Variants in MCOLN2 observed in about 807,000 individuals in gnomAD.
MCOLN2 encodes the protein mucolipin-2.
Under a neutral mutation model 67.5 loss-of-function variants are expected in MCOLN2, and 57 were observed. The observed-to-expected ratio is 0.84, with a 90% CI of 0.68 to 1.05. MCOLN2 has a LOEUF of 1.05. MCOLN2 is among the 50% of genes least tolerant of loss of function. MCOLN2 has a pLI of 0.00. For missense variants in MCOLN2, 620 were observed against 678.8 expected, an observed-to-expected ratio of 0.91 and a Z score of 0.96; for synonymous variants, 246 against 233.3, an observed-to-expected ratio of 1.05 and a Z score of -0.50.
chr1:84,939,604 G>A lies in MCOLN2; in HGVS notation c.1059C>T (p.Ser353=), dbSNP rs755106105. ...TGGAGCCAATGATTGTCATTAGGTC[G>A]CTGATAATCACCAGGACATACCAGC... ...INGWYVLVII[S]DLMTIIGSIL... is the part of the protein sequence containing the mutation. The change falls in exon 9 of 14, where the codon AGC becomes AGT. Residue 353 remains serine (S), a synonymous_variant. Transcript: ENST00000370608. 3.2e-5 allele frequency: 51 copies of A among 1,613,848 alleles called. 1 individual carries two copies. The South Asian group carries it at 4.4e-4, about 14-fold the overall frequency.
chr1:84,934,886 C>T (rs904947948), intron 11 of MCOLN2, among the ~76,000 whole-genome samples: 1 of 152,142 alleles, frequency 6.6e-6, no homozygotes, highest in Non-Finnish European at 1.5e-5. Flanking sequence ...TCCATTGAGC[C>T]CCTGAAATCA....
At chr1:84,980,958 T>C (rs1241772043) in intron 1 of MCOLN2, among the ~76,000 whole-genome samples, 2 of 152,122 alleles carry the variant, frequency 1.3e-5, no homozygotes, top group Non-Finnish European at 2.9e-5. Flanking sequence ...AAAAATAACC[T>C]AATAATCTGG....
At chr1:84,968,498 A>G (rs563699789) in intron 1 of MCOLN2, among the ~76,000 whole-genome samples, 50 of 152,362 alleles carry the variant, frequency 3.3e-4, no homozygotes, top group African/African-American at 1.2e-3. Context: ...GACATAAAAC[A>G]GACTAAAAAC....
At chr1:84,938,946 G>T (rs562472308) in intron 9 of MCOLN2, among the ~76,000 whole-genome samples, 5 of 152,286 alleles carry the variant, frequency 3.3e-5, no homozygotes, top group African/African-American at 1.2e-4. Context: ...TGGTGAGGAG[G>T]CTGCTGTCAC....
In MCOLN2 at chr1:84,965,556, G is replaced by T. The variant is rs867711506; in HGVS notation, c.230C>A (p.Thr77Asn). 4 of 1,613,584 alleles carry T rather than the reference G, an allele frequency of 2.5e-6. No individual in the cohort carries two copies. In the African/African-American group the frequency reaches 5.3e-5, roughly 22 times the overall value. ...GLQILKIVMV[T>N]TQLVRFGLSN... Reference sequence around the variant, plus strand: ...AATAATAAGATAGGTTACCTGTGTGGTGACCATGACTATCTTCAAAATCTG... The same window carrying T: ...AATAATAAGATAGGTTACCTGTGTGTTGACCATGACTATCTTCAAAATCTG... Residue 77 changes from threonine (T) to asparagine (N), a missense_variant, in exon 2 of 14, where the codon ACC becomes AAC. Thr to Asn is a moderately conservative substitution (Grantham distance 65). Coordinates refer to ENST00000370608, the MANE Select transcript of MCOLN2 (RefSeq NM_153259.4).
intron 1 of MCOLN2, among the ~76,000 whole-genome samples, chr1:84,982,089 A>ATTTTT (rs764293611): frequency 8.5e-5 from 11 of 129,520 alleles, no homozygotes; most frequent in African/African-American, 2.3e-4. Context: ...TTTTTTTTTA[A>ATTTTT]AAAAAAGATG....
rs368883842 is a variant in MCOLN2 at position 84,951,349 on chromosome 1, C to T, written c.747+894G>A. On this transcript the variant is annotated intron_variant, in intron 6 of 13. Coordinates refer to ENST00000370608, the MANE Select transcript of MCOLN2 (RefSeq NM_153259.4). The stretch of plus-strand genomic sequence containing the variant: ...TTCAGCTAGGCATTCAGTTTAGTCC[C>T]TTAATGAACAGGGAAGGCAGGGAGG... Among the ~76,000 whole-genome samples, 5 of 152,212 alleles carry T rather than the reference C, an allele frequency of 3.3e-5. No homozygotes were observed. The East Asian group carries it at 5.8e-4, about 18-fold the overall frequency.
chr1:84,987,631 T>C (rs111291422), intron 1 of MCOLN2, among the ~76,000 whole-genome samples: 38 of 112,152 alleles, frequency 3.4e-4, no homozygotes, highest in African/African-American at 5.7e-4. Flanking sequence ...TACATATGTA[T>C]ATATGTATAT....
At chr1:84,944,559 A>AAAG (rs1557638160) in intron 7 of MCOLN2, among the ~76,000 whole-genome samples, 7 of 152,062 alleles carry the variant, frequency 4.6e-5, no homozygotes, top group African/African-American at 1.4e-4. Context: ...GAAAGAAAAA[A>AAAG]AACATCTATA....
chr1:84,990,833 G>A (rs988000350), intron 1 of MCOLN2, among the ~76,000 whole-genome samples: 1 of 151,524 alleles, frequency 6.6e-6, no homozygotes, highest in Non-Finnish European at 1.5e-5. Flanking sequence ...ACTTGGGGGG[G>A]CTGAGGCAGG....
At chr1:84,981,735 A>G (rs1650265331) in intron 1 of MCOLN2, among the ~76,000 whole-genome samples, 1 of 152,156 alleles carries the variant, frequency 6.6e-6, no homozygotes, top group South Asian at 2.1e-4. Context: ...AAGAATGAAT[A>G]AGACCTAGTA....
In MCOLN2 at chr1:84,990,831, G is replaced by T. The variant is rs557527530; in HGVS notation, c.77+5965C>A. ...CACCTGTAGTCCCAATTACTTGGGGGGGCTGAGGCAGGAGGATCGCTTGAG... is the reference window on the plus strand; with the variant it reads ...CACCTGTAGTCCCAATTACTTGGGGTGGCTGAGGCAGGAGGATCGCTTGAG... On this transcript the variant is annotated intron_variant, in intron 1 of 13. Coordinates refer to ENST00000370608, the MANE Select transcript of MCOLN2 (RefSeq NM_153259.4). Among the ~76,000 whole-genome samples the T allele has an allele frequency of 1.4e-3, 213 of 151,190 alleles. 1 individual carries two copies. Among genetic ancestry groups the T allele is most frequent in the Non-Finnish European group, 2.7e-3 (181 of 67,786 alleles).
chr1:84,939,524 A>G (rs1416561676), intron 9 of MCOLN2, 29 bp downstream of exon 9: 3 of 1,610,786 alleles, frequency 1.9e-6, no homozygotes, highest in Non-Finnish European at 2.5e-6. Flanking sequence ...GAAGATGAAG[A>G]ACAGAGACTT....
intron 1 of MCOLN2, among the ~76,000 whole-genome samples, chr1:84,989,780 T>C (rs532348969): frequency 6.6e-6 from 1 of 152,290 alleles, no homozygotes; most frequent in East Asian, 1.9e-4. Flanking sequence ...TAACTATCTA[T>C]TGTGATCTGT....
At chr1:84,992,511 C>G (rs564223002) in intron 1 of MCOLN2, among the ~76,000 whole-genome samples, 3 of 152,248 alleles carry the variant, frequency 2.0e-5, no homozygotes, top group Non-Finnish European at 4.4e-5. Context: ...AACAAATAAA[C>G]AAACCAAAAA....
chr1:84,990,290 T>C (rs1224926984), intron 1 of MCOLN2, among the ~76,000 whole-genome samples: 2 of 81,892 alleles, frequency 2.4e-5, no homozygotes, highest in African/African-American at 5.1e-5. Context: ...AGAATGAGAC[T>C]CCATCTCAAA....
intron 1 of MCOLN2, among the ~76,000 whole-genome samples, chr1:84,987,601 G>GAAATATATACATACAT (rs1650668297): frequency 2.6e-5 from 2 of 75,946 alleles, no homozygotes; most frequent in African/African-American, 1.0e-4. Context: ...TATGTATATA[G>GAAATATATACATACAT]ATGTATATCA....
chr1:84,982,885 A>G (rs374123103), intron 1 of MCOLN2, among the ~76,000 whole-genome samples: 1 of 151,668 alleles, frequency 6.6e-6, no homozygotes, highest in Non-Finnish European at 1.5e-5. Flanking sequence ...TATTATTATT[A>G]TTTTTTATTT....
At chr1:84,978,635 G>A (rs1650108628) in intron 1 of MCOLN2, among the ~76,000 whole-genome samples, 1 of 152,034 alleles carries the variant, frequency 6.6e-6, no homozygotes, top group African/African-American at 2.4e-5. Context: ...AACCTACCAA[G>A]ATTGAACCAG....
Sources: gnomAD v4.1 joint callset for allele counts (sites outside exome capture counted in the v4.1 genomes callset) on GRCh38, gnomAD v4.1.1 for gene constraint, MANE v1.5 for transcripts, NCBI Gene and HGNC (gene_info 2026-07-23, HGNC 2026-07-21) for gene names.